The following HIPK3 variants were observed in gnomAD, a reference collection of about 807,000 sequenced individuals.
HIPK3 encodes the protein homeodomain-interacting protein kinase 3.
A neutral mutation model predicts 124.2 loss-of-function variants in HIPK3; 47 were observed. That is an observed-to-expected ratio of 0.38 (90% confidence interval 0.30 to 0.48). HIPK3 has a LOEUF of 0.48. Among genes scored for constraint, HIPK3 ranks in the 20% least tolerant of loss-of-function variants. The pLI is 0.98. For missense variants in HIPK3, 1,286 were observed against 1,454.3 expected, an observed-to-expected ratio of 0.88 and a Z score of 1.88; for synonymous variants, 482 against 515.2, an observed-to-expected ratio of 0.94 and a Z score of 0.87.
At chr11:33,263,455 G>A (rs907529863) in intron 1 of HIPK3, among the ~76,000 whole-genome samples, 2 of 152,050 alleles carry the variant, frequency 1.3e-5, no homozygotes, top group Admixed American at 1.3e-4. Flanking sequence ...AGCTGGGATT[G>A]CAGGTGCCTG....
chr11:33,276,756 A>C (rs1433238290), intron 1 of HIPK3, among the ~76,000 whole-genome samples: 1 of 152,010 alleles, frequency 6.6e-6, no homozygotes, highest in East Asian at 1.9e-4. Flanking sequence ...CCCAGGCTGG[A>C]GTGCAGTGGC....
chr11:33,352,350 T>C (rs1000199545), intron 16 of HIPK3, 85 bp downstream of exon 16: 1 of 1,388,126 alleles, frequency 7.2e-7, no homozygotes, highest in Admixed American at 1.9e-5. Context: ...CTTCTGAAAC[T>C]GTATGTAGTG....
At chr11:33,256,757 G>A, upstream of HIPK3, 1 of 970,956 alleles carries the variant, frequency 1.0e-6, no homozygotes, top group Non-Finnish European at 1.2e-6. Flanking sequence ...GTGGAGGTGG[G>A]CGAACTTCAC....
intron 2 of HIPK3, among the ~76,000 whole-genome samples, chr11:33,295,291 A>T (rs1851813102): frequency 1.3e-5 from 1 of 77,104 alleles, no homozygotes; most frequent in African/African-American, 5.7e-5. Context: ...CCCCCCCACA[A>T]CTCCACCCCA....
chr11:33,259,259 CGGT>C (rs752639705), intron 1 of HIPK3, among the ~76,000 whole-genome samples: 1 of 152,080 alleles, frequency 6.6e-6, no homozygotes, highest in Non-Finnish European at 1.5e-5. Context: ...TGAGCCGTAA[CGGT>C]GGTTACTGCT....
At chr11:33,328,310 T>C (rs1852868711) in intron 2 of HIPK3, among the ~76,000 whole-genome samples, 200 bp from the exon 3 acceptor site, 1 of 152,204 alleles carries the variant, frequency 6.6e-6, no homozygotes, top group African/African-American at 2.4e-5. Flanking sequence ...GACTTTATTA[T>C]AGAAATGTTG....
intron 2 of HIPK3, among the ~76,000 whole-genome samples, chr11:33,288,240 GT>G (rs1244233702): frequency 1.6e-4 from 24 of 152,114 alleles, no homozygotes; most frequent in Admixed American, 3.9e-4. Context: ...ATGACCTGAG[GT>G]TAGGAGTTCA....
rs140359492 is a variant in HIPK3 at position 33,311,375 on chromosome 11, G to A, written c.1098-17135G>A. ...TCATTTTTTCATTTTGTGTAGAGAC[G>A]AAGTCTTGCAGCCCAGACTGGTCTC... On this transcript the variant is annotated intron_variant, in intron 2 of 16. Coordinates refer to ENST00000303296, the MANE Select transcript of HIPK3 (RefSeq NM_005734.5). 5.8e-4 allele frequency among the ~76,000 whole-genome samples: 89 copies of A among 152,234 alleles called. 1 individual carries two copies. The highest frequency in any genetic ancestry group is 4.6e-4 in the Admixed American group (7 of 15,284).
chr11:33,285,264 T>A (rs1851516513), intron 1 of HIPK3, among the ~76,000 whole-genome samples: 1 of 152,188 alleles, frequency 6.6e-6, no homozygotes, highest in Non-Finnish European at 1.5e-5. Context: ...TGATTTTAAA[T>A]CTGTTTTTCA....
chr11:33,310,017 A>G (rs1427518928), intron 2 of HIPK3, among the ~76,000 whole-genome samples: 1 of 152,118 alleles, frequency 6.6e-6, no homozygotes, highest in African/African-American at 2.4e-5. Context: ...TTGTTATTTT[A>G]AAGTCCCTGT....
intron 2 of HIPK3, among the ~76,000 whole-genome samples, chr11:33,293,218 T>C (rs1003758127): frequency 7.2e-5 from 11 of 152,214 alleles, no homozygotes; most frequent in African/African-American, 1.7e-4. Flanking sequence ...TATTGAGATA[T>C]AATCTACATA....
Position 33,348,564 on chromosome 11 carries a change from T to A in HIPK3, c.2412T>A (p.Phe804Leu), listed in dbSNP as rs536173008. ...LQNTNIPHSA[F>L]ISPKIINGKD... ...ATACCAATATCCCACATTCAGCATTTATTTCTCCAAAGATAATTAATGGGA... is the reference window on the plus strand; with the variant it reads ...ATACCAATATCCCACATTCAGCATTAATTTCTCCAAAGATAATTAATGGGA... The change falls in exon 13 of 17, where the codon TTT becomes TTA. Residue 804 changes from phenylalanine (F) to leucine (L), a missense_variant. Phe to Leu is a conservative substitution (Grantham distance 22). This residue lies in a region of HIPK3 where 810 missense variants were observed against 864.9 expected (regional missense o/e 0.94). Transcript: ENST00000303296. 6.2e-7 allele frequency: 1 copy of A among 1,613,322 alleles called. No individual in the cohort carries two copies. The highest frequency in any genetic ancestry group is 2.2e-5 in the East Asian group (1 of 44,874).
chr11:33,348,453 A>C, intron 12 of HIPK3, 69 bp from the exon 13 acceptor site: 2 of 1,323,294 alleles, frequency 1.5e-6, no homozygotes, highest in Non-Finnish European at 2.1e-6. Flanking sequence ...CTGGTTTAAC[A>C]AGATACCTTA....
rs965330852 is a variant in HIPK3 at position 33,355,516 on chromosome 11, G to A, written c.*1948G>A. ...AATAAACAGTACAAAGCATTGGAGTGTAAAACTCTAGATGTTTTGGATTTA... is the reference window on the plus strand; with the variant it reads ...AATAAACAGTACAAAGCATTGGAGTATAAAACTCTAGATGTTTTGGATTTA... On this transcript the variant is annotated 3_prime_UTR_variant, in exon 17 of 17. Transcript: ENST00000303296. 1 of 151,986 alleles carries A rather than the reference G, an allele frequency of 6.6e-6. No individual in the cohort carries two copies. The highest frequency in any genetic ancestry group is 1.5e-5 in the Non-Finnish European group (1 of 67,888). The allele number at this position is 151,986 out of a possible 1,614,324, so 9.4% of individuals were successfully genotyped here.
At chr11:33,315,130 C>T (rs1433026827) in intron 2 of HIPK3, among the ~76,000 whole-genome samples, 1 of 152,138 alleles carries the variant, frequency 6.6e-6, no homozygotes. Context: ...CATGTTTTGT[C>T]TTTATTTTCC....
At chr11:33,295,618 C>T (rs1851823968) in intron 2 of HIPK3, among the ~76,000 whole-genome samples, 1 of 152,214 alleles carries the variant, frequency 6.6e-6, no homozygotes, top group South Asian at 2.1e-4. Context: ...TCTTTCTTTG[C>T]CTTCATGCCT....
chr11:33,325,405 C>T (rs1311240449), intron 2 of HIPK3, among the ~76,000 whole-genome samples: 3 of 152,138 alleles, frequency 2.0e-5, no homozygotes, highest in Non-Finnish European at 4.4e-5. Flanking sequence ...TTTATACACA[C>T]AGTAATAGGC....
Position 33,301,821 on chromosome 11 carries a change from G to GACACAC in HIPK3, c.1097+14339_1097+14344dup, listed in dbSNP as rs143389257. Among the ~76,000 whole-genome samples the GACACAC allele has an allele frequency of 3.9e-3, 494 of 127,540 alleles. 5 individuals carry two copies. Among genetic ancestry groups the GACACAC allele is most frequent in the African/African-American group, 9.0e-3 (310 of 34,282 alleles). 83.7% of individuals were successfully genotyped at this position (127,540 alleles called of 152,430 possible). On this transcript the variant is annotated intron_variant, in intron 2 of 16. Transcript: ENST00000303296. Reference sequence around the variant, plus strand: ...TGGGCAACAGAGTGAAACCCTGTCTGACACACACACACACACACACACACA... The same window carrying GACACAC: ...TGGGCAACAGAGTGAAACCCTGTCTGACACACACACACACACACACACACACACACA...
chr11:33,316,675 T>A (rs1403379161), intron 2 of HIPK3, among the ~76,000 whole-genome samples: 2 of 151,928 alleles, frequency 1.3e-5, no homozygotes, highest in African/African-American at 2.4e-5. Flanking sequence ...TAAAAACCAT[T>A]AGCTGGGCAT....
Sources: allele counts gnomAD v4.1 joint callset (sites outside exome capture counted in the v4.1 genomes callset), GRCh38; gene constraint gnomAD v4.1.1; regional missense constraint gnomAD v4.1.1; transcripts MANE v1.5; gene names NCBI Gene and HGNC (gene_info 2026-07-23, HGNC 2026-07-21).